CRB2: variants seen among roughly 807,000 people sequenced by gnomAD.
The protein encoded by CRB2 is protein crumbs homolog 2.
Under a neutral mutation model 110.9 loss-of-function variants are expected in CRB2, and 85 were observed. The observed-to-expected ratio is 0.77, with a 90% CI of 0.64 to 0.92. The LOEUF is 0.92. Among genes scored for constraint, CRB2 ranks in the 40% least tolerant of loss-of-function variants. CRB2 has a pLI of 0.00. For missense variants in CRB2, 1,843 were observed against 1,851.3 expected, an observed-to-expected ratio of 1.00 and a Z score of 0.08; for synonymous variants, 907 against 831.0, an observed-to-expected ratio of 1.09 and a Z score of -1.57.
intron 10 of CRB2, 102 bp downstream of exon 10, chr9:123,374,022 GTCCTC>G: frequency 7.3e-7 from 1 of 1,377,798 alleles, no homozygotes; most frequent in Non-Finnish European, 1.0e-6. Flanking sequence ...CCCTTCCCTG[GTCCTC>G]ATGTCCTTAT....
chr9:123,375,359 G>A lies in CRB2; in HGVS notation c.3633+16G>A, dbSNP rs536327257. The A allele has an allele frequency of 6.4e-7, 1 of 1,569,696 alleles. No individual in the cohort carries two copies. The highest frequency in any genetic ancestry group is 8.7e-7 in the Non-Finnish European group (1 of 1,154,646). On this transcript the variant is annotated intron_variant, in intron 12 of 12. Transcript: ENST00000373631. ...TGAAGTGGCGGTGAGTGTTGTCAGG[G>A]GTGAGGGGCCGTGGACGTGGCCTGC...
Position 123,370,467 on chromosome 9 carries a change from G to A in CRB2, c.1414G>A (p.Gly472Arg), listed in dbSNP as rs1200832997. ...ALRFRTTLPA[G>R]TLATRNDTKE... Reference sequence around the variant, plus strand: ...GAGGTTTCGCACCACACTGCCCGCTGGGACCTTGGCCACTCGCAATGACAC... The same window carrying A: ...GAGGTTTCGCACCACACTGCCCGCTAGGACCTTGGCCACTCGCAATGACAC... The change falls in exon 7 of 13, where the codon GGG becomes AGG. Residue 472 changes from glycine (G) to arginine (R), a missense_variant. Physicochemically the swap from Gly to Arg is moderately radical, Grantham distance 125. Coordinates refer to ENST00000373631, the MANE Select transcript of CRB2 (RefSeq NM_173689.7). The A allele has an allele frequency of 1.9e-6, 3 of 1,613,388 alleles. No individual in the cohort carries two copies. The highest frequency in any genetic ancestry group is 1.7e-6 in the Non-Finnish European group (2 of 1,180,054).
chr9:123,359,441 GTTTTTT>G (rs375773781), intron 1 of CRB2, among the ~76,000 whole-genome samples: 1 of 94,440 alleles, frequency 1.1e-5, no homozygotes, highest in Non-Finnish European at 1.9e-5. Context: ...TTTTTGTTTT[GTTTTTT>G]TTTTTTTTTT....
chr9:123,369,485 G>A (rs1466864324), intron 6 of CRB2, among the ~76,000 whole-genome samples: 1 of 152,138 alleles, frequency 6.6e-6, no homozygotes, highest in Non-Finnish European at 1.5e-5. Flanking sequence ...TTGAGTTTGG[G>A]CTTTGCAGGA....
At chr9:123,372,468 G>T in intron 9 of CRB2, 126 bp downstream of exon 9, 1 of 1,254,300 alleles carries the variant, frequency 8.0e-7, no homozygotes. Flanking sequence ...AGGGCAGTGT[G>T]GCGGGGCCAC....
At chr9:123,372,432 C>T (rs1244129212) in intron 9 of CRB2, 90 bp downstream of exon 9, 4 of 1,468,766 alleles carry the variant, frequency 2.7e-6, no homozygotes, top group East Asian at 4.7e-5. Context: ...TTGTAGGATA[C>T]TGGTGGACCA....
Position 123,366,041 on chromosome 9 carries a change from C to T in CRB2, c.543C>T (p.Cys181=). The T allele has an allele frequency of 1.3e-6, 2 of 1,585,296 alleles. No homozygotes were observed. Among genetic ancestry groups the T allele is most frequent in the Non-Finnish European group, 1.7e-6 (2 of 1,173,208 alleles). The change falls in exon 3 of 13, where the codon TGC becomes TGT. Residue 181 remains cysteine, a synonymous_variant. Coordinates refer to ENST00000373631, the MANE Select transcript of CRB2 (RefSeq NM_173689.7). ...CGCCAGGCTACGGGGGCACCCGTTG[C>T]CAGCTGGACCTCGACGAGTGCCAGA... ...VCAPGYGGTR[C]QLDLDECQSQ...
chr9:123,367,486 T>C, intron 5 of CRB2, 87 bp from the exon 6 acceptor site: 1 of 1,173,438 alleles, frequency 8.5e-7, no homozygotes, highest in Non-Finnish European at 1.2e-6. Flanking sequence ...TCTCTTGGAC[T>C]CAGTCTCTCT....
chr9:123,370,075 C>T (rs1018249210), intron 6 of CRB2, 33 bp from the exon 7 acceptor site: 1 of 1,552,258 alleles, frequency 6.4e-7, no homozygotes, highest in Non-Finnish European at 8.7e-7. Context: ...TGGCCCCAGA[C>T]ATTACTGAAC....
rs778851199 is a variant in CRB2 at position 123,371,269 on chromosome 9, G to A, written c.2127G>A (p.Val709=). ...FLSEGRIRAE[V]PGSPAVVLPG... ...GTGAGGGTCGGATCCGGGCTGAGGT[G>A]CCGGGCAGTCCTGCTGTAGTGCTCC... The change falls in exon 8 of 13, where the codon GTG becomes GTA. Residue 709 remains valine (V), a synonymous_variant. Coordinates refer to ENST00000373631, the MANE Select transcript of CRB2 (RefSeq NM_173689.7). 6.8e-6 allele frequency: 11 copies of A among 1,613,854 alleles called. No homozygotes were observed. Among genetic ancestry groups the A allele is most frequent in the African/African-American group, 6.7e-5 (5 of 75,066 alleles).
Position 123,367,339 on chromosome 9 carries a change from T to C in CRB2, c.922T>C (p.Cys308Arg). 1 of 1,602,864 alleles carries C rather than the reference T, an allele frequency of 6.2e-7. No individual in the cohort carries two copies. The highest frequency in any genetic ancestry group is 8.5e-7 in the Non-Finnish European group (1 of 1,179,546). Residue 308 changes from cysteine to arginine, a missense_variant, in exon 5 of 13, where the codon TGC becomes CGC. Transcript: ENST00000373631. The part of the protein sequence containing the change: ...FRHAAGFLCH[C>R]PPGFEGADCG... ...CCATGCTGCGGGTTTCCTGTGCCAC[T>C]GCCCTCCTGGCTTTGAGGGTGAGCC...
intron 1 of CRB2, among the ~76,000 whole-genome samples, chr9:123,362,397 A>G (rs555839795): frequency 1.3e-5 from 2 of 152,296 alleles, no homozygotes; most frequent in South Asian, 4.1e-4. Context: ...TGGAGCTGAA[A>G]TAATCCAGAT....
chr9:123,366,131 AGGC>A lies in CRB2; in HGVS notation c.614+23_614+25del. The A allele has an allele frequency of 7.1e-7, 1 of 1,404,142 alleles. No individual in the cohort carries two copies. The allele number at this position is 1,404,142 out of a possible 1,614,324, so 87.0% of individuals were successfully genotyped here. ...TCAACGGGTGAGCGAGCGGCGGGGC[AGGC>A]GGCAGGGGCGCCGGGTGCCCGAGGG... On this transcript the variant is annotated intron_variant, in intron 3 of 12. Coordinates refer to ENST00000373631, the MANE Select transcript of CRB2 (RefSeq NM_173689.7).
chr9:123,376,117 C>T lies in CRB2; in HGVS notation c.3634-721C>T, dbSNP rs1465400498. On this transcript the variant is annotated intron_variant, in intron 12 of 12. Transcript: ENST00000373631. ...GGGGGAGGAAATGGCTTTACAGCTC[C>T]TCCCTCAAAATGTCCAACGGTGGAG... 3.9e-5 allele frequency among the ~76,000 whole-genome samples: 6 copies of T among 152,318 alleles called. No individual in the cohort carries two copies. In the South Asian group the frequency reaches 1.2e-3, roughly 32 times the overall value.
Position 123,366,285 on chromosome 9 carries a change from C to A in CRB2, c.673C>A (p.Leu225Met). 6.6e-7 allele frequency: 1 copy of A among 1,521,078 alleles called. No homozygotes were observed. The highest frequency in any genetic ancestry group is 2.7e-5 in the East Asian group (1 of 37,356). 94.2% of individuals were successfully genotyped at this position (1,521,078 alleles called of 1,614,324 possible). Residue 225 changes from leucine (L) to methionine (M), a missense_variant, in exon 4 of 13, where the codon CTG (leucine) becomes ATG (methionine). By Grantham distance (15) the Leu-to-Met change is conservative (BLOSUM62 2). Transcript: ENST00000373631. ...YEGTHCEREV[L>M]ECASAPCEHN... ...GGGCACGCACTGCGAGCGGGAGGTG[C>A]TGGAGTGCGCATCGGCGCCCTGCGA...
At chr9:123,372,093 C>T in intron 8 of CRB2, 84 bp from the exon 9 acceptor site, 6 of 1,347,284 alleles carry the variant, frequency 4.5e-6, no homozygotes, top group Non-Finnish European at 4.2e-6. Flanking sequence ...AGTAGGTGCT[C>T]AGCGAAGAAG....
At chr9:123,379,127 TGTCAGTCA>T (rs10593597), downstream of CRB2, among the ~76,000 whole-genome samples, 14 of 151,176 alleles carry the variant, frequency 9.3e-5, 1 homozygote, top group South Asian at 4.2e-4. Flanking sequence ...GTTTTCAGCC[TGTCAGTCA>T]GTCAGTCCTG....
In CRB2 at chr9:123,377,603, C is replaced by T. The variant is rs935150737; in HGVS notation, c.*541C>T. The T allele has an allele frequency of 2.6e-5, 4 of 152,424 alleles. No homozygotes were observed. Among genetic ancestry groups the T allele is most frequent in the African/African-American group, 9.6e-5 (4 of 41,470 alleles). The allele number at this position is 152,424 out of a possible 1,614,324, so 9.4% of individuals were successfully genotyped here. A position where few individuals can be genotyped will look rare whatever the true frequency, so the allele number is the denominator to read the frequency against. ...AGGCCAGGCCGGGGTTGCCCAGGCA[C>T]CTCCTTCCCCGCCTCTGGGGGCTGC... is the stretch of plus-strand genomic sequence containing the variant. On this transcript the variant is annotated 3_prime_UTR_variant, in exon 13 of 13. Transcript: ENST00000373631.
rs548694583 is a variant in CRB2 at position 123,358,376 on chromosome 9, C to T, written c.94+2022C>T. Among the ~76,000 whole-genome samples the T allele has an allele frequency of 5.1e-3, 771 of 152,292 alleles. 2 individuals carry two copies. The highest frequency in any genetic ancestry group is 8.3e-3 in the Non-Finnish European group (564 of 68,006). Reference sequence around the variant, plus strand: ...TATCCACCCTCCCTTCCCCAAACACCCAGGGAGCCCAGCAGACAAAGGGGC... The same window carrying T: ...TATCCACCCTCCCTTCCCCAAACACTCAGGGAGCCCAGCAGACAAAGGGGC... On this transcript the variant is annotated intron_variant, in intron 1 of 12. Transcript: ENST00000373631.
Sources: gnomAD v4.1 joint callset for allele counts (sites outside exome capture counted in the v4.1 genomes callset) on GRCh38, gnomAD v4.1.1 for gene constraint, MANE v1.5 for transcripts, NCBI Gene and HGNC (gene_info 2026-07-23, HGNC 2026-07-21) for gene names.